The following NKAIN2 variants were observed in gnomAD, a reference collection of about 807,000 sequenced individuals.
NKAIN2 encodes sodium/potassium transporting ATPase interacting 2.
In NKAIN2, 14 loss-of-function variants were observed where a neutral mutation model predicts 32.6. That is an observed-to-expected ratio of 0.43 (90% confidence interval 0.28 to 0.67). The LOEUF (loss-of-function observed/expected upper bound fraction) is 0.67. NKAIN2 is among the 30% of genes least tolerant of loss of function. NKAIN2 has a pLI of 0.17. For synonymous variants in NKAIN2, 80 were observed against 87.2 expected (o/e 0.92, Z 0.46); for missense variants, 198 against 258.3 (o/e 0.77, Z 1.60).
intron 1 of NKAIN2, among the ~76,000 whole-genome samples, chr6:124,192,219 A>G (rs1341588658): frequency 6.6e-6 from 1 of 152,118 alleles, no homozygotes; most frequent in Non-Finnish European, 1.5e-5. Flanking sequence ...CTTTTCTGAT[A>G]TAGACATTTA....
chr6:124,772,663 T>C (rs1778811030), intron 4 of NKAIN2, among the ~76,000 whole-genome samples: 1 of 152,180 alleles, frequency 6.6e-6, no homozygotes, highest in African/African-American at 2.4e-5. Flanking sequence ...CTCCAATGAC[T>C]TGCAGGAGGC....
intron 3 of NKAIN2, among the ~76,000 whole-genome samples, chr6:124,653,043 A>T (rs1053703867): frequency 6.6e-6 from 1 of 152,210 alleles, no homozygotes; most frequent in African/African-American, 2.4e-5. Context: ...TTCAATGTTT[A>T]TGGATAGAAA....
At chr6:124,237,261 G>A (rs914176538) in intron 1 of NKAIN2, among the ~76,000 whole-genome samples, 14 of 152,148 alleles carry the variant, frequency 9.2e-5, no homozygotes, top group African/African-American at 1.4e-4. Flanking sequence ...AACTGGCAAC[G>A]TGAACTACCA....
At chr6:124,427,839 T>G (rs1028887352) in intron 3 of NKAIN2, among the ~76,000 whole-genome samples, 1 of 152,104 alleles carries the variant, frequency 6.6e-6, no homozygotes, top group African/African-American at 2.4e-5. Context: ...ACCACGGAAA[T>G]AGGTCGTTCG....
At chr6:124,683,915 G>A (rs1773740918) in intron 4 of NKAIN2, among the ~76,000 whole-genome samples, 1 of 152,150 alleles carries the variant, frequency 6.6e-6, no homozygotes, top group African/African-American at 2.4e-5. Flanking sequence ...AAACCAATAA[G>A]TCTCACTGGA....
intron 1 of NKAIN2, among the ~76,000 whole-genome samples, chr6:124,193,600 A>G (rs1349457239): frequency 1.3e-5 from 2 of 152,104 alleles, no homozygotes; most frequent in East Asian, 3.9e-4. Context: ...CACCCGCAAC[A>G]TTGTGAGCAA....
At chr6:124,173,883 A>G (rs1262579333) in intron 1 of NKAIN2, among the ~76,000 whole-genome samples, 4 of 152,092 alleles carry the variant, frequency 2.6e-5, no homozygotes, top group African/African-American at 9.7e-5. Flanking sequence ...AAGTTTTGAT[A>G]ATTGATAATT....
chr6:123,903,078 T>C (rs888606619), intron 1 of NKAIN2, among the ~76,000 whole-genome samples: 2 of 152,328 alleles, frequency 1.3e-5, no homozygotes, highest in East Asian at 1.9e-4. Flanking sequence ...GTAACAGCAA[T>C]GAATTATGGG....
intron 5 of NKAIN2, among the ~76,000 whole-genome samples, chr6:124,799,536 A>G (rs1780161540): frequency 6.6e-6 from 1 of 152,154 alleles, no homozygotes; most frequent in Non-Finnish European, 1.5e-5. Flanking sequence ...ATATGAGGGG[A>G]AAGAAGCTGA....
rs150046703 is a variant in NKAIN2, at chr6:124,099,956, T to C, written c.55-183049T>C. ...TCTGTTGGATTTAAAGATCGGTTGC[T>C]ACCAGCATTACTTCCTTGTAGGATA... On this transcript the variant is annotated intron_variant, in intron 1 of 6. Transcript: ENST00000368417. 4.0e-3 allele frequency among the ~76,000 whole-genome samples: 611 copies of C among 152,350 alleles called. 3 individuals carry two copies. Among genetic ancestry groups the C allele is most frequent in the African/African-American group, 0.014 (571 of 41,584 alleles).
Position 124,534,319 on chromosome 6 carries a change from T to C in NKAIN2, c.274-123867T>C, listed in dbSNP as rs565002409. Among the ~76,000 whole-genome samples the C allele has an allele frequency of 3.3e-5, 5 of 152,128 alleles. No individual in the cohort carries two copies. The South Asian group carries it at 1.0e-3, about 32-fold the overall frequency. ...GAGTGCACCACCACAACCAGCTAAT[T>C]GTTGTATTTTTAGTAGAGACAAGGT... On this transcript the variant is annotated intron_variant, in intron 3 of 6. Coordinates refer to ENST00000368417, the MANE Select transcript of NKAIN2 (RefSeq NM_001040214.3).
chr6:124,469,538 A>T (rs532980246), intron 3 of NKAIN2, among the ~76,000 whole-genome samples: 1 of 152,316 alleles, frequency 6.6e-6, no homozygotes, highest in African/African-American at 2.4e-5. Flanking sequence ...TGCAAATAAC[A>T]AAGGTCTATT....
chr6:124,478,077 A>T (rs1777302193), intron 3 of NKAIN2, among the ~76,000 whole-genome samples: 1 of 152,048 alleles, frequency 6.6e-6, no homozygotes, highest in South Asian at 2.1e-4. Context: ...GAAAGGATAA[A>T]GGAGAAATAC....
At chr6:124,029,673 A>T (rs868816850) in intron 1 of NKAIN2, among the ~76,000 whole-genome samples, 1 of 152,172 alleles carries the variant, frequency 6.6e-6, no homozygotes. Flanking sequence ...ATTCTTTAAG[A>T]CAGGGATCCC....
At chr6:124,001,897 C>T (rs868524868) in intron 1 of NKAIN2, among the ~76,000 whole-genome samples, 125 of 149,592 alleles carry the variant, frequency 8.4e-4, no homozygotes, top group African/African-American at 2.8e-3. Context: ...ATTTGCCATG[C>T]GTTAATTATC....
chr6:124,101,469 G>T (rs1256707118), intron 1 of NKAIN2, among the ~76,000 whole-genome samples: 2 of 152,164 alleles, frequency 1.3e-5, no homozygotes. Flanking sequence ...TAGATCATTT[G>T]CTGGGCACAG....
intron 3 of NKAIN2, among the ~76,000 whole-genome samples, chr6:124,425,642 C>T (rs974758444): frequency 6.6e-6 from 1 of 152,004 alleles, no homozygotes; most frequent in African/African-American, 2.4e-5. Context: ...TGGCAAAGGA[C>T]CTGAACAGAC....
intron 3 of NKAIN2, among the ~76,000 whole-genome samples, chr6:124,625,857 G>T (rs150606552): frequency 6.6e-6 from 1 of 151,302 alleles, no homozygotes; most frequent in Non-Finnish European, 1.5e-5. Flanking sequence ...AGTGTGTTTC[G>T]TTCCAAAGCT....
intron 1 of NKAIN2, 63 bp downstream of exon 1, chr6:123,804,317 C>A: frequency 7.4e-7 from 1 of 1,348,646 alleles, no homozygotes; most frequent in Non-Finnish European, 1.1e-6. Flanking sequence ...CAGGGGAGTG[C>A]AGCAAAGGGT....
Sources: allele counts gnomAD v4.1 joint callset (sites outside exome capture counted in the v4.1 genomes callset), GRCh38; gene constraint gnomAD v4.1.1; transcripts MANE v1.5; gene names NCBI Gene and HGNC (gene_info 2026-07-23, HGNC 2026-07-21).